TBC1D22A: variants seen among roughly 807,000 people sequenced by gnomAD.
The protein encoded by TBC1D22A is putative GTPase activator.
A neutral mutation model predicts 60.2 loss-of-function variants in TBC1D22A; 38 were observed. That is an observed-to-expected ratio of 0.63 (90% CI 0.49 to 0.83). TBC1D22A has a LOEUF of 0.83. Ranked by LOEUF, TBC1D22A falls within the 40% of genes least tolerant of loss-of-function variation. TBC1D22A has a pLI of 0.00. For synonymous variants in TBC1D22A, 302 were observed against 281.7 expected, an observed-to-expected ratio of 1.07 and a Z score of -0.72; for missense variants, 628 against 701.0, an observed-to-expected ratio of 0.90 and a Z score of 1.18.
intron 12 of TBC1D22A, among the ~76,000 whole-genome samples, chr22:47,121,065 A>G (rs2066254938): frequency 6.6e-6 from 1 of 152,236 alleles, no homozygotes; most frequent in Non-Finnish European, 1.5e-5. Context: ...TAAAAAGAAA[A>G]TGTCCTCATA....
intron 11 of TBC1D22A, among the ~76,000 whole-genome samples, chr22:47,048,957 C>G (rs2063115585): frequency 1.3e-5 from 2 of 152,202 alleles, no homozygotes; most frequent in African/African-American, 4.8e-5. Context: ...TTTATGTGTT[C>G]TGGAAGAAAT....
intron 1 of TBC1D22A, among the ~76,000 whole-genome samples, chr22:46,773,096 T>A (rs1479250189): frequency 2.6e-5 from 4 of 152,146 alleles, no homozygotes; most frequent in Middle Eastern, 3.2e-3. Context: ...GGCCTGAGAG[T>A]GACACCTGCC....
intron 12 of TBC1D22A, among the ~76,000 whole-genome samples, chr22:47,112,108 CGCGTCAGAGGCA>C (rs2065870302): frequency 6.6e-6 from 1 of 152,236 alleles, no homozygotes; most frequent in African/African-American, 2.4e-5. Flanking sequence ...TCGCATGCCA[CGCGTCAGAGGCA>C]CGCCCTGCTA....
In TBC1D22A at chr22:46,904,142, T is replaced by TCTATCTATCTGCCTGCCTGC. The variant is rs57116517; in HGVS notation, c.901-7929_901-7928insTCTATCTGCCTGCCTGCCTA. ...ATCTATCTATCTATCTATCTATCTA[T>TCTATCTATCTGCCTGCCTGC]CTACCTACCTACCTACCTACCTACC... On this transcript the variant is annotated intron_variant, in intron 7 of 12. Transcript: ENST00000337137. 4.5e-5 allele frequency among the ~76,000 whole-genome samples: 6 copies of TCTATCTATCTGCCTGCCTGC among 134,500 alleles called. No homozygotes were observed. The East Asian group carries it at 1.3e-3, about 29-fold the overall frequency. 88.2% of individuals were successfully genotyped at this position (134,500 alleles called of 152,430 possible). A position where few individuals can be genotyped will look rare whatever the true frequency, so the allele number is the denominator to read the frequency against.
At chr22:46,782,444 A>G (rs563825353) in intron 1 of TBC1D22A, among the ~76,000 whole-genome samples, 6 of 152,290 alleles carry the variant, frequency 3.9e-5, no homozygotes, top group South Asian at 2.1e-4. Context: ...CTGGGACACA[A>G]TGGGGTCAGG....
At chr22:46,806,414 C>T (rs973263169) in intron 4 of TBC1D22A, among the ~76,000 whole-genome samples, 8 of 146,746 alleles carry the variant, frequency 5.5e-5, no homozygotes, top group African/African-American at 1.8e-4. Context: ...TACTCAAGTG[C>T]ATAGTACTGA....
intron 4 of TBC1D22A, among the ~76,000 whole-genome samples, chr22:46,842,317 T>C (rs1450149738): frequency 6.6e-6 from 1 of 152,234 alleles, no homozygotes; most frequent in Non-Finnish European, 1.5e-5. Context: ...TGGGTCTCTA[T>C]GGGATCTAAG....
At chr22:46,844,113 G>A (rs1166314103) in intron 4 of TBC1D22A, among the ~76,000 whole-genome samples, 1 of 150,554 alleles carries the variant, frequency 6.6e-6, no homozygotes, top group Middle Eastern at 3.2e-3. Context: ...GTAAACATGT[G>A]GGTAAGGCAT....
chr22:46,779,562 A>G (rs551420112), intron 1 of TBC1D22A, among the ~76,000 whole-genome samples: 1 of 152,152 alleles, frequency 6.6e-6, no homozygotes, highest in African/African-American at 2.4e-5. Flanking sequence ...CCTGGCCAGG[A>G]CAATTTCAAA....
chr22:46,905,296 A>C (rs4823891), intron 7 of TBC1D22A, among the ~76,000 whole-genome samples: 54,134 of 152,152 alleles, frequency 0.36, 11,421 homozygotes, highest in East Asian at 0.64. Flanking sequence ...AACAGCAAGC[A>C]GCAAGGAAAG....
intron 4 of TBC1D22A, among the ~76,000 whole-genome samples, chr22:46,878,347 A>AGAGAG (rs1491482215): frequency 0.076 from 866 of 11,430 alleles, no homozygotes; most frequent in Middle Eastern, 0.1. Context: ...GGTGGGAGGG[A>AGAGAG]AGGAGGCCAG....
intron 9 of TBC1D22A, among the ~76,000 whole-genome samples, chr22:46,996,453 A>AT (rs1453030064): frequency 1.3e-5 from 2 of 152,318 alleles, no homozygotes; most frequent in African/African-American, 4.8e-5. Context: ...CTGCCTCCCG[A>AT]TTCTCCTTTC....
intron 12 of TBC1D22A, among the ~76,000 whole-genome samples, chr22:47,150,213 G>A (rs751474282): frequency 3.3e-5 from 5 of 152,064 alleles, no homozygotes; most frequent in African/African-American, 7.2e-5. Context: ...GCCACAGTCC[G>A]GAGCACCGCC....
At chr22:46,809,419 C>T (rs748315205) in intron 4 of TBC1D22A, among the ~76,000 whole-genome samples, 9 of 152,216 alleles carry the variant, frequency 5.9e-5, no homozygotes, top group African/African-American at 9.7e-5. Context: ...GACACAGTCA[C>T]GCTCTGGGAG....
chr22:47,129,000 G>A (rs1324669813), intron 12 of TBC1D22A, among the ~76,000 whole-genome samples: 2 of 152,280 alleles, frequency 1.3e-5, no homozygotes, highest in East Asian at 1.9e-4. Context: ...GCATGTCTAC[G>A]ATGCCAGCTC....
chr22:46,914,513 T>G (rs2070207693), intron 8 of TBC1D22A: 1 of 152,164 alleles, frequency 6.6e-6, no homozygotes, highest in Admixed American at 6.5e-5. Flanking sequence ...TAGATCTAGC[T>G]TCCTAGGTTT....
At chr22:47,106,468 TAGA>T (rs2065636342) in intron 11 of TBC1D22A, among the ~76,000 whole-genome samples, 1 of 152,240 alleles carries the variant, frequency 6.6e-6, no homozygotes, top group Non-Finnish European at 1.5e-5. Flanking sequence ...TAGCGGAGGC[TAGA>T]AGATGATAGA....
At chr22:47,097,507 G>A (rs1316376547) in intron 11 of TBC1D22A, among the ~76,000 whole-genome samples, 5 of 152,022 alleles carry the variant, frequency 3.3e-5, no homozygotes, top group African/African-American at 1.2e-4. Context: ...CCAGCTACTT[G>A]GGAGGCTGAG....
intron 8 of TBC1D22A, among the ~76,000 whole-genome samples, chr22:46,948,923 G>A (rs1212114515): frequency 2.0e-5 from 3 of 152,140 alleles, no homozygotes; most frequent in Non-Finnish European, 2.9e-5. Context: ...ACTATGTGCC[G>A]GGGGTGAGAG....
Sources: gnomAD v4.1 joint callset for allele counts (sites outside exome capture counted in the v4.1 genomes callset) on GRCh38, gnomAD v4.1.1 for gene constraint, MANE v1.5 for transcripts, NCBI Gene and HGNC (gene_info 2026-07-23, HGNC 2026-07-21) for gene names.